Variants in TTC17 observed in about 807,000 individuals in gnomAD.
TTC17 encodes the protein tetratricopeptide repeat protein 17.
Under a neutral mutation model 143.8 loss-of-function variants are expected in TTC17, and 58 were observed. That is an observed-to-expected ratio of 0.40 (90% CI 0.33 to 0.50). The LOEUF (loss-of-function observed/expected upper bound fraction) is 0.50. TTC17 is among the 20% of genes least tolerant of loss of function. The pLI, the probability that TTC17 is intolerant of heterozygous loss-of-function variation, is 0.49. For synonymous variants in TTC17, 501 were observed against 497.8 expected, an observed-to-expected ratio of 1.01 and a Z score of -0.09; for missense variants, 1,273 against 1,392.5, an observed-to-expected ratio of 0.91 and a Z score of 1.37.
At chr11:43,413,011 C>G (rs927338753) in intron 15 of TTC17, among the ~76,000 whole-genome samples, 2 of 151,044 alleles carry the variant, frequency 1.3e-5, no homozygotes, top group Admixed American at 1.3e-4. Flanking sequence ...CACACACACA[C>G]ACACACACAC....
At chr11:43,485,883 GTTTTTTTTTTTT>G (rs751026290) in intron 21 of TTC17, among the ~76,000 whole-genome samples, 7 of 112,618 alleles carry the variant, frequency 6.2e-5, no homozygotes, top group South Asian at 3.1e-4. Context: ...TTGGTTTTTT[GTTTTTTTTTTTT>G]TTTTTTTTGA....
intron 1 of TTC17, among the ~76,000 whole-genome samples, chr11:43,365,460 G>A (rs1333994862): frequency 6.6e-6 from 1 of 151,830 alleles, no homozygotes; most frequent in Admixed American, 6.6e-5. Context: ...GTAGAGACGG[G>A]GTTTTGCCAT....
intron 16 of TTC17, among the ~76,000 whole-genome samples, chr11:43,421,330 G>A (rs778519179): frequency 1.3e-5 from 2 of 152,206 alleles, no homozygotes; most frequent in African/African-American, 2.4e-5. Flanking sequence ...ATCTGTGGTG[G>A]AGATGTAGGA....
At chr11:43,414,909 GGAAAA>G (rs1946743372) in intron 16 of TTC17, 133 bp downstream of exon 16, 1 of 928,926 alleles carries the variant, frequency 1.1e-6, no homozygotes, top group African/African-American at 1.7e-5. Context: ...CAGATGCATA[GGAAAA>G]GATGTTAATT....
At chr11:43,396,926 C>T (rs1378390597) in intron 6 of TTC17, 108 bp downstream of exon 6, 1 of 529,232 alleles carries the variant, frequency 1.9e-6, no homozygotes, top group Non-Finnish European at 3.1e-6. Flanking sequence ...ATACTTTTCT[C>T]CATCCCTGTT....
chr11:43,362,604 AAGGAAT>A (rs1856162406), intron 1 of TTC17, among the ~76,000 whole-genome samples: 2 of 152,064 alleles, frequency 1.3e-5, no homozygotes, highest in Non-Finnish European at 2.9e-5. Context: ...ATGATGGTTA[AAGGAAT>A]TATTTCTTTT....
intron 1 of TTC17, among the ~76,000 whole-genome samples, chr11:43,370,794 A>AGGTT (rs1482531027): frequency 6.8e-5 from 9 of 132,328 alleles, no homozygotes; most frequent in Admixed American, 4.1e-4. Context: ...GAGAGGGGGC[A>AGGTT]GGTTTGTTTG....
intron 21 of TTC17, among the ~76,000 whole-genome samples, chr11:43,454,613 A>G (rs1009644107): frequency 3.3e-5 from 5 of 152,134 alleles, no homozygotes; most frequent in Non-Finnish European, 7.4e-5. Flanking sequence ...ACAAGATTTA[A>G]GATAAAAATA....
intron 16 of TTC17, among the ~76,000 whole-genome samples, chr11:43,419,795 A>G (rs1415301194): frequency 6.6e-6 from 1 of 152,094 alleles, no homozygotes; most frequent in Non-Finnish European, 1.5e-5. Flanking sequence ...GGCTCAGGCA[A>G]TCCTCCCATC....
chr11:43,465,176 T>C (rs570492995), intron 21 of TTC17, among the ~76,000 whole-genome samples: 4 of 152,334 alleles, frequency 2.6e-5, no homozygotes, highest in African/African-American at 9.6e-5. Context: ...CTTTACACAA[T>C]GTCATAGCAG....
At chr11:43,450,919 T>G (rs764762482) in intron 20 of TTC17, among the ~76,000 whole-genome samples, 1 of 152,206 alleles carries the variant, frequency 6.6e-6, no homozygotes, top group Non-Finnish European at 1.5e-5. Flanking sequence ...TACACATAGT[T>G]TATTTCATTT....
intron 16 of TTC17, among the ~76,000 whole-genome samples, chr11:43,434,419 G>T (rs1947238844): frequency 6.6e-6 from 1 of 152,152 alleles, no homozygotes; most frequent in South Asian, 2.1e-4. Flanking sequence ...GCGGGGGGAA[G>T]CCTAGAAGCC....
At chr11:43,479,708 G>A (rs1369498402) in intron 21 of TTC17, among the ~76,000 whole-genome samples, 1 of 152,226 alleles carries the variant, frequency 6.6e-6, no homozygotes, top group Non-Finnish European at 1.5e-5. Flanking sequence ...TTAGAGAATT[G>A]ATGACGTTGT....
intron 19 of TTC17, chr11:43,448,499 TGCC>T: frequency 6.1e-6 from 1 of 164,546 alleles, no homozygotes; most frequent in Admixed American, 6.0e-5. Context: ...ACATAGTAGA[TGCC>T]TCTGATAACT....
intron 21 of TTC17, among the ~76,000 whole-genome samples, chr11:43,456,923 C>T (rs1947774353): frequency 6.6e-6 from 1 of 152,048 alleles, no homozygotes; most frequent in Non-Finnish European, 1.5e-5. Context: ...TGAAATCTCT[C>T]CATCTCACAC....
intron 12 of TTC17, 51 bp from the exon 13 acceptor site, chr11:43,405,735 A>C: frequency 6.2e-7 from 1 of 1,612,344 alleles, no homozygotes; most frequent in Non-Finnish European, 8.5e-7. Flanking sequence ...CTTTATCTTG[A>C]AGTCACCCAA....
At chr11:43,473,652 A>C (rs1948130544) in intron 21 of TTC17, among the ~76,000 whole-genome samples, 1 of 152,208 alleles carries the variant, frequency 6.6e-6, no homozygotes. Context: ...AGGCAGGTGG[A>C]TCACTTGAGG....
intron 1 of TTC17, chr11:43,370,495 T>A: frequency 6.7e-6 from 1 of 149,622 alleles, no homozygotes. Context: ...GAGGGAAAAA[T>A]ACAAGATTCT....
intron 2 of TTC17, among the ~76,000 whole-genome samples, chr11:43,389,209 G>A (rs1857287943): frequency 6.6e-6 from 1 of 151,984 alleles, no homozygotes; most frequent in African/African-American, 2.4e-5. Context: ...TGAAAATGTG[G>A]ATATTTGTGT....
Sources: allele counts gnomAD v4.1 joint callset (sites outside exome capture counted in the v4.1 genomes callset), GRCh38; gene constraint gnomAD v4.1.1; transcripts MANE v1.5; gene names NCBI Gene and HGNC (gene_info 2026-07-23, HGNC 2026-07-21).